RNF19A: variants seen among roughly 807,000 people sequenced by gnomAD.
The protein encoded by RNF19A is ring finger protein 19A, RBR E3 ubiquitin protein ligase.
Under a neutral mutation model 75.7 loss-of-function variants are expected in RNF19A, and 32 were observed. The observed-to-expected ratio is 0.42, with a 90% CI of 0.32 to 0.57. The LOEUF is 0.57. Among genes scored for constraint, RNF19A ranks in the 20% least tolerant of loss-of-function variants. The probability of loss-of-function intolerance (pLI) is 0.10; values close to 1 mark genes in which losing one functional copy is unlikely to be tolerated. For synonymous variants in RNF19A, 335 were observed against 345.2 expected (o/e 0.97, Z 0.33); for missense variants, 782 against 1,036.3 (o/e 0.75, Z 3.37).
chr8:100,301,142 A>G (rs1821808296), intron 1 of RNF19A, among the ~76,000 whole-genome samples: 1 of 152,244 alleles, frequency 6.6e-6, no homozygotes, highest in Admixed American at 6.5e-5. Flanking sequence ...TGCTAGTCAC[A>G]TTTCAAATGC....
rs941405680 is a variant in RNF19A at position 100,331,028 on chromosome 8, G to A, written c.-243+5080C>T. ...CTGAGTCTTCCTTTCACATTGATAC[G>A]TCCATTTCTATCTATGGCTCCTCCA... On this transcript the variant is annotated intron_variant, in intron 1 of 3. Coordinates refer to the RNF19A transcript ENST00000519527. The surrounding 1 kb of genome is among the most constrained non-coding windows in gnomAD (Gnocchi z 5.2). Among the ~76,000 whole-genome samples, 4 of 152,078 alleles carry A rather than the reference G, an allele frequency of 2.6e-5. No homozygotes were observed. The highest frequency in any genetic ancestry group is 3.9e-4 in the East Asian group (2 of 5,194).
intron 2 of RNF19A, among the ~76,000 whole-genome samples, chr8:100,285,129 T>C (rs1187898792): frequency 6.6e-6 from 1 of 152,190 alleles, no homozygotes; most frequent in Non-Finnish European, 1.5e-5. Context: ...GGTACACAAG[T>C]AAAGATTTTC....
intron 2 of RNF19A, among the ~76,000 whole-genome samples, chr8:100,282,768 T>C (rs1011037412): frequency 6.6e-6 from 1 of 152,226 alleles, no homozygotes; most frequent in African/African-American, 2.4e-5. Context: ...CTTTGCAGGA[T>C]GAGAATGAGT....
rs1471849267 is a variant in RNF19A at position 100,264,871 on chromosome 8, A to C, written c.1192-86T>G. ...GTTGAAAAAGATCTATACTTGCTAA[A>C]GTGATTTTTCATAGAAGTTCGTAGC... On this transcript the variant is annotated intron_variant, in intron 5 of 9. Transcript: ENST00000341084. The surrounding 1 kb of genome is among the most constrained non-coding windows in gnomAD (Gnocchi z 4.7). 1.9e-6 allele frequency: 2 copies of C among 1,039,856 alleles called. No individual in the cohort carries two copies. Among genetic ancestry groups the C allele is most frequent in the Non-Finnish European group, 2.9e-6 (2 of 682,850 alleles). The allele number at this position is 1,039,856 out of a possible 1,614,324, so 64.4% of individuals were successfully genotyped here. A position where few individuals can be genotyped will look rare whatever the true frequency, so the allele number is the denominator to read the frequency against.
intron 2 of RNF19A, among the ~76,000 whole-genome samples, chr8:100,277,298 G>A (rs1486225981): frequency 6.6e-6 from 1 of 152,076 alleles, no homozygotes; most frequent in Non-Finnish European, 1.5e-5. Context: ...TTTTGGACTT[G>A]TTGATCCCTT....
At chr8:100,262,474 A>G (rs902236287) in intron 7 of RNF19A, among the ~76,000 whole-genome samples, 2 of 152,206 alleles carry the variant, frequency 1.3e-5, no homozygotes, top group Non-Finnish European at 2.9e-5. Context: ...TTAAAAGCCT[A>G]GAAGTAGGAT....
In RNF19A at chr8:100,262,322, C is replaced by T. The variant is rs570612477; in HGVS notation, c.1469-567G>A. 2.7e-4 allele frequency among the ~76,000 whole-genome samples: 41 copies of T among 152,266 alleles called. No homozygotes were observed. In the South Asian group the frequency reaches 4.8e-3, roughly 18 times the overall value. ...AGGAGAGTGATGAAAAGTGCATGTA[C>T]GTACATGTCTGTGAGCCATTTTATA... is the stretch of plus-strand genomic sequence containing the variant. On this transcript the variant is annotated intron_variant, in intron 7 of 9. Coordinates refer to ENST00000341084, the MANE Select transcript of RNF19A (RefSeq NM_183419.4).
intron 1 of RNF19A, among the ~76,000 whole-genome samples, chr8:100,319,620 C>T (rs1822435899): frequency 6.6e-6 from 1 of 150,620 alleles, no homozygotes; most frequent in South Asian, 2.1e-4. Context: ...ACCTCCCGCT[C>T]CCAGGTTCAA....
intron 1 of RNF19A, chr8:100,300,400 T>C (rs985056718): frequency 2.2e-4 from 33 of 152,280 alleles, no homozygotes; most frequent in African/African-American, 7.9e-4. Flanking sequence ...ATGCTTGCAA[T>C]CCCAGCGCTT....
At chr8:100,289,059 CAAAA>C (rs34638933) in intron 1 of RNF19A, among the ~76,000 whole-genome samples, 2 of 92,574 alleles carry the variant, frequency 2.2e-5, no homozygotes, top group Admixed American at 1.2e-4. Flanking sequence ...GACTCCATCT[CAAAA>C]AAAAAAAAAA....
At chr8:100,334,711 C>A (rs1299540459) in intron 1 of RNF19A, among the ~76,000 whole-genome samples, 1 of 152,176 alleles carries the variant, frequency 6.6e-6, no homozygotes, top group African/African-American at 2.4e-5. Context: ...CAAGACCCAG[C>A]CCCGCTGGCG....
chr8:100,288,356 G>C, intron 1 of RNF19A, 89 bp from the exon 2 acceptor site: 1 of 922,200 alleles, frequency 1.1e-6, no homozygotes, highest in Non-Finnish European at 1.5e-6. Flanking sequence ...AAACAAGTAT[G>C]TTTCTTAACC....
chr8:100,316,305 C>T lies in RNF19A; in HGVS notation c.-242-2933G>A, dbSNP rs113920062. ...AAAGGGTGAGCAGTAGCAAGATTTA[C>T]TGCAAAGAGCGAAAGAACGAAGCTT... On this transcript the variant is annotated intron_variant, in intron 1 of 3. Transcript: ENST00000519527. Among the ~76,000 whole-genome samples the T allele has an allele frequency of 5.2e-3, 788 of 152,218 alleles. 10 individuals carry two copies. The highest frequency in any genetic ancestry group is 0.019 in the African/African-American group (771 of 41,524).
intron 1 of RNF19A, among the ~76,000 whole-genome samples, chr8:100,328,933 G>T (rs756166044): frequency 6.6e-6 from 1 of 152,160 alleles, no homozygotes; most frequent in Non-Finnish European, 1.5e-5. Context: ...AGAGCACGAA[G>T]GGCTTCAGTT....
chr8:100,296,603 T>A (rs1281999165), intron 1 of RNF19A, among the ~76,000 whole-genome samples: 2 of 152,220 alleles, frequency 1.3e-5, no homozygotes, highest in African/African-American at 4.8e-5. Flanking sequence ...ATATATATTC[T>A]AGGCACAGGA....
rs1247523159 is a variant in RNF19A at position 100,325,805 on chromosome 8, C to T, written c.-243+10303G>A. The stretch of plus-strand genomic sequence containing the variant: ...CACATTTATATCCATAAAATCTAAG[C>T]TCATAATTTCAATAGATATAACACG... On this transcript the variant is annotated intron_variant, in intron 1 of 3. Transcript: ENST00000519527. The surrounding 1 kb of genome is among the most constrained non-coding windows in gnomAD (Gnocchi z 4.3). Among the ~76,000 whole-genome samples, 2 of 152,054 alleles carry T rather than the reference C, an allele frequency of 1.3e-5. No individual in the cohort carries two copies. The highest frequency in any genetic ancestry group is 1.3e-4 in the Admixed American group (2 of 15,266).
rs1471307330 is a variant in RNF19A, at chr8:100,257,356, CTTTTA to C, written c.*1195_*1199del. On this transcript the variant is annotated 3_prime_UTR_variant, in exon 10 of 10. Coordinates refer to ENST00000341084, the MANE Select transcript of RNF19A (RefSeq NM_183419.4). ...AACTGCTATCATTGAGGTTAACCTG[CTTTTA>C]TTTAAGTGAATTATACAGGAAATTA... 2.3e-5 allele frequency: 3 copies of C among 132,748 alleles called. No homozygotes were observed. Among genetic ancestry groups the C allele is most frequent in the African/African-American group, 1.2e-4 (3 of 24,604 alleles). The allele number at this position is 132,748 out of a possible 1,614,324, so 8.2% of individuals were successfully genotyped here. A position where few individuals can be genotyped will look rare whatever the true frequency, so the allele number is the denominator to read the frequency against.
intron 1 of RNF19A, among the ~76,000 whole-genome samples, chr8:100,292,435 G>GGTGTGTGTGTGTGTGT (rs1554671903): frequency 1.5e-4 from 22 of 145,332 alleles, no homozygotes; most frequent in African/African-American, 5.4e-4. Context: ...CTATCATATG[G>GGTGTGTGTGTGTGTGT]GTGTGTGTGT....
chr8:100,313,793 TGTG>T (rs1218224438), upstream of RNF19A, among the ~76,000 whole-genome samples: 1 of 152,138 alleles, frequency 6.6e-6, no homozygotes, highest in African/African-American at 2.4e-5. Flanking sequence ...AGGTGGAGAC[TGTG>T]GAGACAGAAG....
Sources: allele counts gnomAD v4.1 joint callset (sites outside exome capture counted in the v4.1 genomes callset), GRCh38; gene constraint gnomAD v4.1.1; non-coding constraint Gnocchi (gnomAD v3.1); transcripts MANE v1.5; gene names NCBI Gene and HGNC (gene_info 2026-07-23, HGNC 2026-07-21).